INTS2: variants seen among roughly 807,000 people sequenced by gnomAD.
INTS2 encodes KIAA1287.
In INTS2, 57 loss-of-function variants were observed where a neutral mutation model predicts 139.6. The observed-to-expected ratio is 0.41, with a 90% CI of 0.33 to 0.51. The LOEUF (loss-of-function observed/expected upper bound fraction) is 0.51, where lower values mean the gene tolerates loss of function less well. Ranked by LOEUF, INTS2 falls within the 20% of genes least tolerant of loss-of-function variation. The pLI is 0.28. For synonymous variants in INTS2, 473 were observed against 493.4 expected (o/e 0.96, Z 0.55); for missense variants, 1,196 against 1,436.7 (o/e 0.83, Z 2.71).
At chr17:61,888,498 T>C (rs1405434476) in intron 15 of INTS2, among the ~76,000 whole-genome samples, 2 of 152,122 alleles carry the variant, frequency 1.3e-5, no homozygotes, top group African/African-American at 4.8e-5. Flanking sequence ...CCTTCTGATA[T>C]TATGTGAAGT....
intron 17 of INTS2, 87 bp from the exon 18 acceptor site, chr17:61,878,175 A>C: frequency 2.6e-6 from 2 of 773,508 alleles, no homozygotes; most frequent in East Asian, 5.0e-5. Flanking sequence ...CTATAGACCA[A>C]ACAAATCAAG....
rs2079105939 is a variant in INTS2 at position 61,873,626 on chromosome 17, T to A, written c.2583-1166A>T. 6.6e-6 allele frequency among the ~76,000 whole-genome samples: 1 copy of A among 152,180 alleles called. No homozygotes were observed. The highest frequency in any genetic ancestry group is 2.4e-5 in the African/African-American group (1 of 41,448). ...GTTTCCTTTTATTAGATACTTAACA[T>A]CATTTACATACACAGTTTGTTCTGA... is the stretch of plus-strand genomic sequence containing the variant. On this transcript the variant is annotated intron_variant, in intron 19 of 24. Coordinates refer to ENST00000251334, the MANE Select transcript of INTS2 (RefSeq NM_001351695.2). The surrounding 1 kb of genome is among the most constrained non-coding windows in gnomAD (Gnocchi z 4.0).
Position 61,911,564 on chromosome 17 carries a change from T to C in INTS2, c.910A>G (p.Lys304Glu), listed in dbSNP as rs1275066851. 1.2e-6 allele frequency: 2 copies of C among 1,614,006 alleles called. No homozygotes were observed. The highest frequency in any genetic ancestry group is 1.7e-6 in the Non-Finnish European group (2 of 1,179,902). Residue 304 changes from lysine (K) to glutamate (E), a missense_variant, in exon 7 of 25, where the codon AAA (lysine) becomes GAA (glutamate). Around this residue, in one of 3 missense-constraint regions of INTS2, gnomAD observed 1,129 missense variants for 1,341.9 expected, o/e 0.84. Transcript: ENST00000251334. ...VSGLLLGTNA[K>E]VRTWFGTFIR... Reference sequence around the variant, plus strand: ...AAAGTTCCAAACCAAGTCCGGACTTTCGCATTTGTTCCAAGAAGCAAACCA... The same window carrying C: ...AAAGTTCCAAACCAAGTCCGGACTTCCGCATTTGTTCCAAGAAGCAAACCA...
In INTS2 at chr17:61,927,889, T is replaced by A. The variant is rs1382949461; in HGVS notation, c.-254A>T. Reference sequence around the variant, plus strand: ...CACCACACAAAGGCAGAACCGGGACTGTAGGAACGGAAAAGCGGGAGACTT... The same window carrying A: ...CACCACACAAAGGCAGAACCGGGACAGTAGGAACGGAAAAGCGGGAGACTT... On this transcript the variant is annotated 5_prime_UTR_variant, in exon 1 of 25. Coordinates refer to ENST00000251334, the MANE Select transcript of INTS2 (RefSeq NM_001351695.2). The A allele has an allele frequency of 1.2e-6, 2 of 1,611,574 alleles. No homozygotes were observed. The highest frequency in any genetic ancestry group is 1.7e-6 in the Non-Finnish European group (2 of 1,179,816).
chr17:61,912,984 C>G (rs562488290), intron 5 of INTS2, among the ~76,000 whole-genome samples: 85 of 151,808 alleles, frequency 5.6e-4, no homozygotes, highest in African/African-American at 2.0e-3. Context: ...GCTGAGGCAG[C>G]AGAATCACTT....
At chr17:61,923,777 T>A (rs577896280) in intron 3 of INTS2, among the ~76,000 whole-genome samples, 17 of 152,056 alleles carry the variant, frequency 1.1e-4, no homozygotes, top group African/African-American at 4.1e-4. Flanking sequence ...CCTCCCAGGT[T>A]CAAGCAATTC....
chr17:61,927,164 T>A (rs1302670587), intron 1 of INTS2: 1 of 172,058 alleles, frequency 5.8e-6, no homozygotes, highest in Non-Finnish European at 1.3e-5. Context: ...GGCTTCTCTT[T>A]CTCACCCTCC....
At chr17:61,881,643 G>A (rs866677565) in intron 16 of INTS2, among the ~76,000 whole-genome samples, 18 of 152,116 alleles carry the variant, frequency 1.2e-4, no homozygotes, top group Admixed American at 2.6e-4. Context: ...CATAAGCTTG[G>A]GAAGCTTGTT....
In INTS2 at chr17:61,877,844, G is replaced by A. The variant is rs1015085923; in HGVS notation, c.2456+43C>T. On this transcript the variant is annotated intron_variant, in intron 18 of 24. Transcript: ENST00000251334. ...ATTTAGGTTATTGTATATTATCCCTGCTATATAATTATCTATTACATGTAA... is the reference window on the plus strand; with the variant it reads ...ATTTAGGTTATTGTATATTATCCCTACTATATAATTATCTATTACATGTAA... 3 of 1,471,782 alleles carry A rather than the reference G, an allele frequency of 2.0e-6. No homozygotes were observed. The African/African-American group carries it at 4.2e-5, about 20-fold the overall frequency. 91.2% of individuals were successfully genotyped at this position (1,471,782 alleles called of 1,614,324 possible).
At chr17:61,888,961 C>T (rs1278852837) in intron 15 of INTS2, among the ~76,000 whole-genome samples, 1 of 151,498 alleles carries the variant, frequency 6.6e-6, no homozygotes, top group African/African-American at 2.4e-5. Flanking sequence ...GGAAGTGGAG[C>T]TTGCAGTGAG....
chr17:61,927,625 C>CT (rs1217291891), intron 1 of INTS2, 29 bp downstream of exon 1: 1 of 1,319,146 alleles, frequency 7.6e-7, no homozygotes, highest in Non-Finnish European at 9.7e-7. Context: ...TAGGAACGCG[C>CT]TGAGGCCAGA....
At position 61,867,633 on chromosome 17, in the gene INTS2, T is replaced by C. The variant is rs2079056136; in HGVS notation, c.3515A>G (p.Asp1172Gly). The change falls in exon 25 of 25, where the codon GAT (aspartate) becomes GGT (glycine). Residue 1172 changes from aspartate to glycine, a missense_variant. Coordinates refer to ENST00000251334, the MANE Select transcript of INTS2 (RefSeq NM_001351695.2). The surrounding 1 kb of genome is among the most constrained non-coding windows in gnomAD (Gnocchi z 5.6). ...KNGSRDTGSMDPDVQLCHCIE... is the reference protein window; with the variant it reads ...KNGSRDTGSMGPDVQLCHCIE... ...ACAGTGACAGAGCTGTACATCAGGATCCATGCTTCCAGTGTCCCTGGATCC... is the reference window on the plus strand; with the variant it reads ...ACAGTGACAGAGCTGTACATCAGGACCCATGCTTCCAGTGTCCCTGGATCC... 6.2e-7 allele frequency: 1 copy of C among 1,611,506 alleles called. No individual in the cohort carries two copies. The highest frequency in any genetic ancestry group is 1.3e-5 in the African/African-American group (1 of 74,874).
intron 5 of INTS2, among the ~76,000 whole-genome samples, chr17:61,918,427 A>G (rs2079604927): frequency 6.6e-6 from 1 of 152,124 alleles, no homozygotes; most frequent in South Asian, 2.1e-4. Flanking sequence ...TTTTTAGTAG[A>G]GACGGGGTTT....
intron 9 of INTS2, among the ~76,000 whole-genome samples, chr17:61,899,006 C>T (rs2079377811): frequency 6.6e-6 from 1 of 152,112 alleles, no homozygotes; most frequent in Non-Finnish European, 1.5e-5. Context: ...ATAGATGCAA[C>T]AAAAAGCAAA....
chr17:61,902,484 A>C (rs1392977030), intron 9 of INTS2, among the ~76,000 whole-genome samples: 1 of 152,104 alleles, frequency 6.6e-6, no homozygotes, highest in African/African-American at 2.4e-5. Context: ...GATTTACCCA[A>C]AGTGTACAAT....
chr17:61,889,991 T>C, intron 14 of INTS2, 97 bp from the exon 15 acceptor site: 4 of 715,960 alleles, frequency 5.6e-6, no homozygotes, highest in Admixed American at 2.2e-5. Context: ...CTATTCAGCA[T>C]TGCTGCTCCT....
chr17:61,919,625 G>T, intron 4 of INTS2, 112 bp from the exon 5 acceptor site: 1 of 614,104 alleles, frequency 1.6e-6, no homozygotes, highest in Non-Finnish European at 2.9e-6. Context: ...TGCCCAGGTG[G>T]GTCTCAAACT....
chr17:61,919,174 C>T (rs1221655041), intron 5 of INTS2, among the ~76,000 whole-genome samples: 3 of 152,070 alleles, frequency 2.0e-5, no homozygotes, highest in Non-Finnish European at 4.4e-5. Flanking sequence ...CTGCCCGCCT[C>T]GGCCTCCCAA....
chr17:61,885,639 C>CT (rs1326610074), intron 15 of INTS2, among the ~76,000 whole-genome samples: 3 of 151,518 alleles, frequency 2.0e-5, no homozygotes, highest in Non-Finnish European at 4.4e-5. Flanking sequence ...AGGCTGGTCT[C>CT]TAATTCCTGA....
Sources: gnomAD v4.1 joint callset for allele counts (sites outside exome capture counted in the v4.1 genomes callset) on GRCh38, gnomAD v4.1.1 for gene constraint, gnomAD v4.1.1 regional missense constraint, Gnocchi (gnomAD v3.1) non-coding constraint, MANE v1.5 for transcripts, NCBI Gene and HGNC (gene_info 2026-07-23, HGNC 2026-07-21) for gene names.